THAP4: variants seen among roughly 807,000 people sequenced by gnomAD.
THAP4 encodes THAP domain containing 4.
THAP4 carries 18 observed loss-of-function variants against 48.1 expected under a neutral mutation model. The ratio of observed to expected loss-of-function variants is 0.37; its 90% CI spans 0.26 to 0.56. The LOEUF is 0.56. Among genes scored for constraint, THAP4 ranks in the 20% least tolerant of loss-of-function variants. THAP4 has a pLI of 0.78. For synonymous variants in THAP4, 345 were observed against 324.9 expected (o/e 1.06, Z -0.66); for missense variants, 656 against 774.9 (o/e 0.85, Z 1.82).
rs1220568123 is a variant in THAP4, at chr2:241,610,256, C to T, written c.1241-3783G>A. Among the ~76,000 whole-genome samples the T allele has an allele frequency of 1.3e-5, 2 of 152,176 alleles. No individual in the cohort carries two copies. Among genetic ancestry groups the T allele is most frequent in the African/African-American group, 2.4e-5 (1 of 41,456 alleles). ...AGTCCTGCCTCTGCTCCCGGGCGGC[C>T]CCCTCCAGCCTCCGCCGGCCCCGCC... is the stretch of plus-strand genomic sequence containing the variant. On this transcript the variant is annotated intron_variant, in intron 2 of 5. Transcript: ENST00000407315. The surrounding 1 kb of genome is among the most constrained non-coding windows in gnomAD (Gnocchi z 4.2).
intron 5 of THAP4, among the ~76,000 whole-genome samples, chr2:241,599,615 C>G (rs540286514): frequency 1.3e-5 from 2 of 152,288 alleles, no homozygotes; most frequent in South Asian, 4.1e-4. Flanking sequence ...TTTCTATATA[C>G]TAAAATACAC....
Position 241,632,971 on chromosome 2 carries a change from C to T in THAP4, c.1186G>A (p.Glu396Lys). The T allele has an allele frequency of 6.2e-7, 1 of 1,613,504 alleles. No homozygotes were observed. Among genetic ancestry groups the T allele is most frequent in the Non-Finnish European group, 8.5e-7 (1 of 1,179,774 alleles). ...TAGGGGACGCTCACTCTCCTCAGCTCATCCAGCTTCTCCTGTAGCTTCCGC... is the reference window on the plus strand; with the variant it reads ...TAGGGGACGCTCACTCTCCTCAGCTTATCCAGCTTCTCCTGTAGCTTCCGC... ...QVRKLQEKLD[E>K]LRRVSVPYPS... The change falls in exon 2 of 6, where the codon GAG becomes AAG. Residue 396 changes from glutamate to lysine, a missense_variant. Glu to Lys is a moderately conservative substitution (Grantham distance 56). Around this residue, in one of 4 missense-constraint regions of THAP4, gnomAD observed 176 missense variants for 256.7 expected, o/e 0.69. Coordinates refer to ENST00000407315, the MANE Select transcript of THAP4 (RefSeq NM_015963.6).
At chr2:241,626,224 T>C (rs28881829) in intron 2 of THAP4, among the ~76,000 whole-genome samples, 22,548 of 151,974 alleles carry the variant, frequency 0.15, 1,922 homozygotes, top group South Asian at 0.38. Flanking sequence ...GGGCAGATCA[T>C]GAGGTCAGGA....
intron 2 of THAP4, among the ~76,000 whole-genome samples, chr2:241,623,938 C>T (rs1228455403): frequency 6.6e-6 from 1 of 152,210 alleles, no homozygotes; most frequent in Non-Finnish European, 1.5e-5. Flanking sequence ...GGGTGTCCTG[C>T]ACGTCAATTC....
intron 5 of THAP4, among the ~76,000 whole-genome samples, chr2:241,594,142 T>G (rs577681238): frequency 8.5e-5 from 13 of 152,312 alleles, no homozygotes; most frequent in African/African-American, 3.1e-4. Flanking sequence ...CTGGAAACCT[T>G]ACACTAAGTG....
intron 1 of THAP4, among the ~76,000 whole-genome samples, chr2:241,636,094 A>C (rs1008813039): frequency 1.3e-5 from 2 of 152,236 alleles, no homozygotes; most frequent in Non-Finnish European, 1.5e-5. Flanking sequence ...ATTGTCAAGA[A>C]AGTGCGCTGG....
At chr2:241,595,605 C>T (rs1466497489) in intron 5 of THAP4, among the ~76,000 whole-genome samples, 1 of 151,798 alleles carries the variant, frequency 6.6e-6, no homozygotes, top group Non-Finnish European at 1.5e-5. Context: ...CCACTGCACT[C>T]CAGCCTGGGC....
At position 241,601,942 on chromosome 2, in the gene THAP4, T is replaced by C. The variant is rs201322132; in HGVS notation, c.1568A>G (p.His523Arg). ...VNGQELCIAS[H>R]SIARISFAKE... Reference sequence around the variant, plus strand: ...GGCGAAGGAGATCCTGGCGATGGAGTGGGATGCGATGCACAGCTCCTGCCC... The same window carrying C: ...GGCGAAGGAGATCCTGGCGATGGAGCGGGATGCGATGCACAGCTCCTGCCC... Residue 523 changes from histidine to arginine, a missense_variant, in exon 5 of 6, where the codon CAC (histidine) becomes CGC (arginine). Transcript: ENST00000407315. This position sits in a 1 kb window ranked among gnomAD's most constrained non-coding sequence, Gnocchi z 4.0. 155 of 1,612,924 alleles carry C rather than the reference T, an allele frequency of 9.6e-5. No individual in the cohort carries two copies. The highest frequency in any genetic ancestry group is 1.9e-5 in the Non-Finnish European group (22 of 1,179,926).
chr2:241,617,480 G>A (rs577669578), intron 2 of THAP4: 34 of 1,548,488 alleles, frequency 2.2e-5, no homozygotes, highest in South Asian at 9.7e-5. Context: ...GCCAATTGAC[G>A]GGAAATGTTT....
chr2:241,625,689 T>C (rs957090828), intron 2 of THAP4, among the ~76,000 whole-genome samples: 1 of 144,378 alleles, frequency 6.9e-6, no homozygotes, highest in African/African-American at 2.6e-5. Flanking sequence ...TCCCAGCTAC[T>C]AGGGAGGCTG....
chr2:241,633,890 C>T lies in THAP4; in HGVS notation c.267G>A (p.Glu89=). ...TAVPSIFHLT[E]KKRGAGGHGR... ...CATGGCCTCCAGCCCCCCTCTTCTT[C>T]TCGGTCAGGTGGAAGATGGATGGCA... The change falls in exon 2 of 6, where the codon GAG becomes GAA. Residue 89 remains glutamate (E), a synonymous_variant. Transcript: ENST00000407315. The surrounding 1 kb of genome is among the most constrained non-coding windows in gnomAD (Gnocchi z 7.5). 6.2e-7 allele frequency: 1 copy of T among 1,614,018 alleles called. No individual in the cohort carries two copies. Among genetic ancestry groups the T allele is most frequent in the Admixed American group, 1.7e-5 (1 of 59,982 alleles).
At chr2:241,611,169 G>A (rs1309960905) in intron 2 of THAP4, among the ~76,000 whole-genome samples, 1 of 152,164 alleles carries the variant, frequency 6.6e-6, no homozygotes, top group African/African-American at 2.4e-5. Flanking sequence ...GAGCTGGGGG[G>A]GTGGCCCCTG....
In THAP4 at chr2:241,630,964, T is replaced by C. The variant is rs138152001; in HGVS notation, c.1240+1953A>G. 6.0e-3 allele frequency among the ~76,000 whole-genome samples: 901 copies of C among 149,300 alleles called. 27 individuals are homozygous for C. Among genetic ancestry groups the C allele is most frequent in the Admixed American group, 0.05 (747 of 15,026 alleles). On this transcript the variant is annotated intron_variant, in intron 2 of 5. Coordinates refer to ENST00000407315, the MANE Select transcript of THAP4 (RefSeq NM_015963.6). ...TTGCTTGAACCCAGGAGGCAGAGGT[T>C]GGAGAACTGCTTGAACCCGGGAGGC... is the stretch of plus-strand genomic sequence containing the variant.
At chr2:241,607,445 A>C (rs2067197117) in intron 2 of THAP4, among the ~76,000 whole-genome samples, 1 of 151,840 alleles carries the variant, frequency 6.6e-6, no homozygotes, top group Non-Finnish European at 1.5e-5. Context: ...CATGCTACCC[A>C]TCAGGGGCGC....
intron 2 of THAP4, among the ~76,000 whole-genome samples, chr2:241,611,167 G>A (rs901758630): frequency 1.3e-5 from 2 of 152,290 alleles, no homozygotes; most frequent in African/African-American, 4.8e-5. Context: ...GGGAGCTGGG[G>A]GGGTGGCCCC....
chr2:241,618,370 T>C (rs4675917), intron 2 of THAP4, among the ~76,000 whole-genome samples: 54,133 of 152,130 alleles, frequency 0.36, 10,191 homozygotes, highest in East Asian at 0.61. Flanking sequence ...CTCGTTAATC[T>C]GAGTCTCAAT....
intron 5 of THAP4, among the ~76,000 whole-genome samples, chr2:241,594,909 G>T (rs1000783028): frequency 6.6e-6 from 1 of 152,172 alleles, no homozygotes; most frequent in African/African-American, 2.4e-5. Flanking sequence ...TGCCACAGAA[G>T]ATAAATGTTC....
Position 241,636,961 on chromosome 2 carries a change from C to G in THAP4, c.57G>C (p.Lys19Asn). The G allele has an allele frequency of 7.6e-7, 1 of 1,313,124 alleles. No homozygotes were observed. The highest frequency in any genetic ancestry group is 9.9e-7 in the Non-Finnish European group (1 of 1,007,826). 81.3% of individuals were successfully genotyped at this position (1,313,124 alleles called of 1,614,324 possible). The change falls in exon 1 of 6, where the codon AAG becomes AAC. Residue 19 changes from lysine (K) to asparagine (N), a missense_variant. Around this residue, in one of 4 missense-constraint regions of THAP4, gnomAD observed 59 missense variants for 45.8 expected, o/e 1.29. Coordinates refer to ENST00000407315, the MANE Select transcript of THAP4 (RefSeq NM_015963.6). ...CGTACCTGTGGAAGGAGACGGCGCG[C>G]TTCTCGCCCTTTCCCTGCCGGTTGG... ...NCSNRQGKGE[K>N]RAVSFHRFPL...
chr2:241,606,442 T>G lies in THAP4; in HGVS notation c.1272A>C (p.Pro424=). ...GCCAGGTGCCCAGCATCCAGGACAG[T>G]GGCTCCACCACTGGGTTCATCTTGG... is the stretch of plus-strand genomic sequence containing the variant. The part of the protein sequence containing the change: ...EPPKMNPVVE[P]LSWMLGTWLS... The change falls in exon 3 of 6, where the codon CCA becomes CCC. Residue 424 remains proline (P), a synonymous_variant. Coordinates refer to ENST00000407315, the MANE Select transcript of THAP4 (RefSeq NM_015963.6). The G allele has an allele frequency of 6.2e-7, 1 of 1,608,384 alleles. No homozygotes were observed. The highest frequency in any genetic ancestry group is 2.2e-5 in the East Asian group (1 of 44,692).
Sources: gnomAD v4.1 joint callset for allele counts (sites outside exome capture counted in the v4.1 genomes callset) on GRCh38, gnomAD v4.1.1 for gene constraint, gnomAD v4.1.1 regional missense constraint, Gnocchi (gnomAD v3.1) non-coding constraint, MANE v1.5 for transcripts, NCBI Gene and HGNC (gene_info 2026-07-23, HGNC 2026-07-21) for gene names.